ABCB5: variants seen among roughly 807,000 people sequenced by gnomAD.
ABCB5 encodes the protein ATP binding cassette subfamily B member 5, also known as ATP-binding cassette sub-family B member 5.
In ABCB5, 155 loss-of-function variants were observed where a neutral mutation model predicts 144.2. The ratio of observed to expected loss-of-function variants is 1.08; its 90% CI spans 0.94 to 1.23. ABCB5 has a LOEUF of 1.23. Among genes scored for constraint, ABCB5 ranks in the 50% most tolerant of loss-of-function variants. ABCB5 has a pLI of 0.00. For missense variants in ABCB5, 1,830 were observed against 1,520.8 expected (o/e 1.20, Z -3.38); for synonymous variants, 610 against 528.6 (o/e 1.15, Z -2.11).
intron 16 of ABCB5, among the ~76,000 whole-genome samples, chr7:20,687,053 A>AT (rs1430485176): frequency 2.9e-4 from 44 of 152,304 alleles, no homozygotes; most frequent in African/African-American, 9.6e-4. Flanking sequence ...TAAATAAATA[A>AT]GCATGCAAAG....
intron 15 of ABCB5, among the ~76,000 whole-genome samples, chr7:20,683,389 G>A (rs556166637): frequency 1.3e-5 from 2 of 152,200 alleles, no homozygotes; most frequent in South Asian, 2.1e-4. Flanking sequence ...AATTTACGAG[G>A]TTTAATATTT....
At chr7:20,668,622 C>G (rs1443409801) in intron 14 of ABCB5, among the ~76,000 whole-genome samples, 1 of 147,988 alleles carries the variant, frequency 6.8e-6, no homozygotes, top group East Asian at 2.1e-4. Flanking sequence ...GCCCGGCCAG[C>G]CGCCCCGTCC....
At chr7:20,699,765 C>A in intron 17 of ABCB5, 60 bp from the exon 18 acceptor site, 1 of 1,180,702 alleles carries the variant, frequency 8.5e-7, no homozygotes, top group Non-Finnish European at 1.2e-6. Flanking sequence ...GAAATTTTCA[C>A]TTTTTCTGTT....
chr7:20,692,162 A>G (rs1407367914), intron 16 of ABCB5, among the ~76,000 whole-genome samples: 2 of 152,156 alleles, frequency 1.3e-5, no homozygotes, highest in Non-Finnish European at 2.9e-5. Flanking sequence ...CATAAGAAAC[A>G]TAAGAAATCC....
At chr7:20,622,663 A>T (rs1437328965) in intron 1 of ABCB5, among the ~76,000 whole-genome samples, 1 of 152,100 alleles carries the variant, frequency 6.6e-6, no homozygotes, top group East Asian at 1.9e-4. Flanking sequence ...TATGAACATA[A>T]CTGTGATCTT....
intron 15 of ABCB5, among the ~76,000 whole-genome samples, chr7:20,682,593 G>C (rs1484353378): frequency 6.6e-6 from 1 of 152,168 alleles, no homozygotes; most frequent in Non-Finnish European, 1.5e-5. Context: ...TAATGGAAAA[G>C]AGTTGGAAAA....
chr7:20,748,290 C>G (rs1782792553), intron 26 of ABCB5, among the ~76,000 whole-genome samples: 1 of 152,112 alleles, frequency 6.6e-6, no homozygotes, highest in African/African-American at 2.4e-5. Flanking sequence ...TTACAGCTCA[C>G]ACGTAGGTTT....
At chr7:20,676,627 T>A in intron 14 of ABCB5, among the ~76,000 whole-genome samples, 1 of 152,182 alleles carries the variant, frequency 6.6e-6, no homozygotes, top group East Asian at 1.9e-4. Flanking sequence ...TCAGTGGGAA[T>A]AAAATTTCAT....
At chr7:20,634,238 TTGTGTGTG>T (rs10688708) in intron 5 of ABCB5, among the ~76,000 whole-genome samples, 117 of 140,542 alleles carry the variant, frequency 8.3e-4, no homozygotes, top group Middle Eastern at 3.6e-3. Flanking sequence ...GTATTCCATG[TTGTGTGTG>T]TGTGTGTGTG....
chr7:20,652,752 C>T (rs983689349), intron 13 of ABCB5, among the ~76,000 whole-genome samples: 2 of 152,068 alleles, frequency 1.3e-5, no homozygotes, highest in Admixed American at 1.3e-4. Context: ...GTATTAGATC[C>T]TCAGCATCCC....
chr7:20,670,622 C>A (rs1017831658), intron 14 of ABCB5, among the ~76,000 whole-genome samples: 1 of 152,310 alleles, frequency 6.6e-6, no homozygotes, highest in South Asian at 2.1e-4. Context: ...AAACAAGAAG[C>A]AAGCTGGCCG....
At chr7:20,693,220 A>G (rs1786292965) in intron 16 of ABCB5, among the ~76,000 whole-genome samples, 1 of 152,094 alleles carries the variant, frequency 6.6e-6, no homozygotes, top group African/African-American at 2.4e-5. Context: ...AATAATAATT[A>G]ACCAGGAATA....
At chr7:20,647,313 C>G in intron 9 of ABCB5, 1 of 1,288,796 alleles carries the variant, frequency 7.8e-7, no homozygotes, top group Non-Finnish European at 9.8e-7. Context: ...TAGGAAAAGG[C>G]CAAGGATACT....
intron 20 of ABCB5, among the ~76,000 whole-genome samples, chr7:20,717,983 G>A (rs1260361207): frequency 1.7e-5 from 2 of 119,288 alleles, no homozygotes; most frequent in African/African-American, 6.3e-5. Context: ...CTCATTGCAA[G>A]CTCCACCTCC....
intron 10 of ABCB5, 28 bp downstream of exon 10, chr7:20,647,676 A>T (rs561593463): frequency 6.5e-7 from 1 of 1,544,186 alleles, no homozygotes; most frequent in African/African-American, 1.4e-5. Flanking sequence ...TTTGAAGAAT[A>T]ACTATCATTA....
intron 3 of ABCB5, among the ~76,000 whole-genome samples, chr7:20,628,129 G>T (rs914374392): frequency 2.6e-5 from 4 of 152,078 alleles, no homozygotes; most frequent in Non-Finnish European, 5.9e-5. Context: ...ATTTACATTA[G>T]GTATTTCTCC....
chr7:20,669,110 T>G (rs1480840590), intron 14 of ABCB5, among the ~76,000 whole-genome samples: 7 of 146,940 alleles, frequency 4.8e-5, no homozygotes, highest in Non-Finnish European at 7.4e-5. Context: ...GTGGGGGGGG[T>G]CAGCCCCCCA....
At chr7:20,640,491 TC>T (rs1419854644) in intron 5 of ABCB5, among the ~76,000 whole-genome samples, 1 of 152,212 alleles carries the variant, frequency 6.6e-6, no homozygotes, top group African/African-American at 2.4e-5. Flanking sequence ...GTCACAGCCT[TC>T]TTGCACTAAG....
chr7:20,657,284 T>C lies in ABCB5; in HGVS notation c.1537-1222T>C, dbSNP rs1011941674. On this transcript the variant is annotated intron_variant, in intron 13 of 27. Transcript: ENST00000404938. The stretch of plus-strand genomic sequence containing the variant: ...AATTTGAATTTCAGATAATGAATAA[T>C]TTTTTAGCAATATTGCATAAAACAT... Among the ~76,000 whole-genome samples the C allele has an allele frequency of 7.9e-5, 12 of 152,040 alleles. 1 individual carries two copies. Among genetic ancestry groups the C allele is most frequent in the Non-Finnish European group, 1.3e-4 (9 of 68,018 alleles).
Sources: allele counts gnomAD v4.1 joint callset (sites outside exome capture counted in the v4.1 genomes callset), GRCh38; gene constraint gnomAD v4.1.1; transcripts MANE v1.5; gene names NCBI Gene and HGNC (gene_info 2026-07-23, HGNC 2026-07-21).